CRLF3: variants seen among roughly 807,000 people sequenced by gnomAD.
CRLF3 encodes the protein cytokine receptor like factor 3, also known as cytokine receptor-like factor 3.
A neutral mutation model predicts 55.0 loss-of-function variants in CRLF3; 33 were observed. The observed-to-expected ratio is 0.60, with a 90% CI of 0.46 to 0.80. CRLF3 has a LOEUF of 0.80. CRLF3 is among the 30% of genes least tolerant of loss of function. The pLI is 0.00. For synonymous variants in CRLF3, 238 were observed against 196.8 expected (o/e 1.21, Z -1.75); for missense variants, 494 against 538.4 (o/e 0.92, Z 0.82).
At position 30,782,859 on chromosome 17, in the gene CRLF3, A is replaced by G. The variant is rs904399166; in HGVS notation, c.*1328T>C. ...GAATCCCCAAATAAATTATCTTACAAAAATATCATACTTGCTTTTCTACTT... is the reference window on the plus strand; with the variant it reads ...GAATCCCCAAATAAATTATCTTACAGAAATATCATACTTGCTTTTCTACTT... On this transcript the variant is annotated 3_prime_UTR_variant, in exon 8 of 8. Coordinates refer to ENST00000324238, the MANE Select transcript of CRLF3 (RefSeq NM_015986.4). 1.3e-5 allele frequency: 2 copies of G among 152,110 alleles called. No homozygotes were observed. Among genetic ancestry groups the G allele is most frequent in the African/African-American group, 4.8e-5 (2 of 41,420 alleles). 9.4% of individuals were successfully genotyped at this position (152,110 alleles called of 1,614,324 possible).
At chr17:30,793,214 A>G (rs910437040) in intron 5 of CRLF3, among the ~76,000 whole-genome samples, 2 of 151,644 alleles carry the variant, frequency 1.3e-5, no homozygotes, top group South Asian at 2.1e-4. Flanking sequence ...AATATTTTCA[A>G]TCTTTGGTTT....
At position 30,784,039 on chromosome 17, in the gene CRLF3, C is replaced by G. The variant is rs1211798585; in HGVS notation, c.*148G>C. 1 of 691,240 alleles carries G rather than the reference C, an allele frequency of 1.4e-6. No homozygotes were observed. Among genetic ancestry groups the G allele is most frequent in the African/African-American group, 1.8e-5 (1 of 55,344 alleles). The allele number at this position is 691,240 out of a possible 1,614,324, so 42.8% of individuals were successfully genotyped here. On this transcript the variant is annotated 3_prime_UTR_variant, in exon 8 of 8. Transcript: ENST00000324238. ...TCCACAACATTGAAGTCTCTTTTTG[C>G]TAAAATATTACAAAATGAATCCAGT...
intron 1 of CRLF3, among the ~76,000 whole-genome samples, chr17:30,824,051 G>A (rs1216807628): frequency 6.6e-6 from 1 of 151,216 alleles, no homozygotes; most frequent in Non-Finnish European, 1.5e-5. Context: ...CCTCACTCTC[G>A]CCCCTTAGTC....
At position 30,792,563 on chromosome 17, in the gene CRLF3, GCTGTCCA is replaced by G; in HGVS notation, c.829_835del (p.Trp277LeufsTer8). On this transcript the variant is annotated frameshift_variant and splice_region_variant, in exon 6 of 8. Transcript: ENST00000324238. LOFTEE classifies it high-confidence loss of function. The stretch of plus-strand genomic sequence containing the variant: ...GCTCAGACTGTACCCCTCAAAACCA[GCTGTCCA>G]CTCTTTTTCAAAGCAAAGATATTGA... 1 of 1,597,144 alleles carries G rather than the reference GCTGTCCA, an allele frequency of 6.3e-7. No individual in the cohort carries two copies.
intron 1 of CRLF3, among the ~76,000 whole-genome samples, chr17:30,821,688 T>C (rs773957205): frequency 6.6e-6 from 1 of 152,140 alleles, no homozygotes; most frequent in Non-Finnish European, 1.5e-5. Flanking sequence ...AGGGGCTACA[T>C]ACTGTATGAG....
intron 1 of CRLF3, among the ~76,000 whole-genome samples, chr17:30,818,021 G>T (rs1904861397): frequency 6.6e-6 from 1 of 151,914 alleles, no homozygotes; most frequent in Non-Finnish European, 1.5e-5. Flanking sequence ...CAGCACTTTG[G>T]GAGGCCGAGA....
chr17:30,810,561 C>CA (rs990995420), intron 1 of CRLF3, among the ~76,000 whole-genome samples: 2 of 149,752 alleles, frequency 1.3e-5, no homozygotes, highest in African/African-American at 2.5e-5. Context: ...GACTCCACCT[C>CA]AAAAAAAAAT....
chr17:30,794,218 T>G (rs1367526161), intron 4 of CRLF3, among the ~76,000 whole-genome samples: 1 of 152,176 alleles, frequency 6.6e-6, no homozygotes, highest in Non-Finnish European at 1.5e-5. Flanking sequence ...AAATGGCATG[T>G]TTTTTAATCA....
chr17:30,822,624 TG>T (rs1160377804), intron 1 of CRLF3, among the ~76,000 whole-genome samples: 2 of 152,074 alleles, frequency 1.3e-5, no homozygotes, highest in African/African-American at 4.8e-5. Context: ...TTTAAATTGT[TG>T]GATATAAAAT....
intron 1 of CRLF3, among the ~76,000 whole-genome samples, chr17:30,806,647 C>T (rs1279702339): frequency 3.3e-5 from 5 of 152,068 alleles, no homozygotes; most frequent in Non-Finnish European, 2.9e-5. Flanking sequence ...TTTATACAGA[C>T]ACCAGATTTT....
At chr17:30,795,700 CCGAGG>C (rs1004032152) in intron 4 of CRLF3, among the ~76,000 whole-genome samples, 1 of 151,980 alleles carries the variant, frequency 6.6e-6, no homozygotes, top group Non-Finnish European at 1.5e-5. Flanking sequence ...CTTTGGGTGG[CCGAGG>C]CGAGTGGGTC....
At position 30,792,718 on chromosome 17, in the gene CRLF3, G is replaced by A. The variant is rs541093043; in HGVS notation, c.827-146C>T. On this transcript the variant is annotated intron_variant, in intron 5 of 7. Transcript: ENST00000324238. Reference sequence around the variant, plus strand: ...TAAAATAAAAGATTCCATTAACAGGGTATCATGATCAGTCCCACAAATTAC... The same window carrying A: ...TAAAATAAAAGATTCCATTAACAGGATATCATGATCAGTCCCACAAATTAC... 2.8e-5 allele frequency: 18 copies of A among 632,966 alleles called. No individual in the cohort carries two copies. In the South Asian group the frequency reaches 4.3e-4, roughly 15 times the overall value. 39.2% of individuals were successfully genotyped at this position (632,966 alleles called of 1,614,324 possible).
rs753144241 is a variant in CRLF3 at position 30,824,522 on chromosome 17, C to T, written c.129+1G>A. On this transcript the variant is annotated splice_donor_variant, in intron 1 of 7. Transcript: ENST00000324238. LOFTEE classifies it high-confidence loss of function. ...CGCCCCTGTGGGTGTGGCCCTCCGA[C>T]CTGCCTCCGCGCCTCACGCAGCCCC... 3 of 1,587,852 alleles carry T rather than the reference C, an allele frequency of 1.9e-6. No individual in the cohort carries two copies. Among genetic ancestry groups the T allele is most frequent in the Non-Finnish European group, 2.6e-6 (3 of 1,172,984 alleles).
In CRLF3 at chr17:30,805,005, A is replaced by C. The variant is rs1597925628; in HGVS notation, c.130-897T>G. 2.6e-5 allele frequency among the ~76,000 whole-genome samples: 4 copies of C among 152,124 alleles called. No individual in the cohort carries two copies. The East Asian group carries it at 7.7e-4, about 29-fold the overall frequency. On this transcript the variant is annotated intron_variant, in intron 1 of 7. Transcript: ENST00000324238. The stretch of plus-strand genomic sequence containing the variant: ...CAAGACCAGCCTGGCCAACGTAGTG[A>C]AACCCTGTATCTACTAAAAATACAA...
Position 30,788,325 on chromosome 17 carries a change from C to CAAAAA in CRLF3, c.960-2299_960-2295dup, listed in dbSNP as rs780693808. Among the ~76,000 whole-genome samples, 96 of 118,432 alleles carry CAAAAA rather than the reference C, an allele frequency of 8.1e-4. 2 individuals carry two copies. The highest frequency in any genetic ancestry group is 4.6e-3 in the East Asian group (18 of 3,874). 77.7% of individuals were successfully genotyped at this position (118,432 alleles called of 152,430 possible). On this transcript the variant is annotated intron_variant, in intron 6 of 7. Transcript: ENST00000324238. ...TGGGCAACAGAATGAGACTTTGTCT[C>CAAAAA]AAAAAAAAAAAAAGAAAAGAAAAGA...
intron 1 of CRLF3, among the ~76,000 whole-genome samples, chr17:30,809,407 T>C (rs955095062): frequency 1.3e-5 from 2 of 152,208 alleles, no homozygotes; most frequent in African/African-American, 2.4e-5. Flanking sequence ...ATCAAGTTCA[T>C]TTGCTTGACT....
intron 1 of CRLF3, among the ~76,000 whole-genome samples, chr17:30,815,084 CTTTTTTT>C (rs541526248): frequency 9.3e-6 from 1 of 107,530 alleles, no homozygotes; most frequent in Non-Finnish European, 2.0e-5. Flanking sequence ...TTCTTTCTTT[CTTTTTTT>C]TTTTTTTTTT....
chr17:30,804,756 G>C (rs1904336883), intron 1 of CRLF3, among the ~76,000 whole-genome samples: 1 of 152,108 alleles, frequency 6.6e-6, no homozygotes. Context: ...ACAGACAGAA[G>C]TACACAGAAC....
intron 1 of CRLF3, among the ~76,000 whole-genome samples, chr17:30,818,642 T>C (rs1411874592): frequency 4.0e-5 from 6 of 150,970 alleles, no homozygotes; most frequent in African/African-American, 9.7e-5. Flanking sequence ...TTAGTAAAGA[T>C]AGGTTTTCAT....
Sources: gnomAD v4.1 joint callset for allele counts (sites outside exome capture counted in the v4.1 genomes callset) on GRCh38, gnomAD v4.1.1 for gene constraint, MANE v1.5 for transcripts, NCBI Gene and HGNC (gene_info 2026-07-23, HGNC 2026-07-21) for gene names.